Variants in SMYD3 observed in about 807,000 individuals in gnomAD.
SMYD3 encodes the protein histone-lysine N-methyltransferase SMYD3.
Under a neutral mutation model 57.7 loss-of-function variants are expected in SMYD3, and 36 were observed. The observed-to-expected ratio is 0.62, with a 90% CI of 0.48 to 0.82. The LOEUF (loss-of-function observed/expected upper bound fraction) is 0.82, where lower values mean the gene tolerates loss of function less well. Ranked by LOEUF, SMYD3 falls within the 40% of genes least tolerant of loss-of-function variation. SMYD3 has a pLI of 0.00. For synonymous variants in SMYD3, 211 were observed against 195.0 expected, an observed-to-expected ratio of 1.08 and a Z score of -0.68; for missense variants, 515 against 538.8, an observed-to-expected ratio of 0.96 and a Z score of 0.44.
intron 5 of SMYD3, among the ~76,000 whole-genome samples, chr1:246,080,339 G>A (rs907705328): frequency 4.6e-5 from 7 of 152,124 alleles, no homozygotes; most frequent in East Asian, 3.9e-4. Context: ...GGCAGCATTC[G>A]ATTCTCATGA....
intron 8 of SMYD3, among the ~76,000 whole-genome samples, chr1:245,873,028 T>G (rs1410520432): frequency 6.6e-6 from 1 of 152,132 alleles, no homozygotes; most frequent in Non-Finnish European, 1.5e-5. Context: ...CAAGTCAACC[T>G]GGAGAGAATA....
intron 10 of SMYD3, among the ~76,000 whole-genome samples, chr1:245,823,790 C>T (rs1179723306): frequency 6.6e-6 from 1 of 152,174 alleles, no homozygotes; most frequent in Non-Finnish European, 1.5e-5. Flanking sequence ...AAATTGGAAG[C>T]ACTTCTCTGA....
intron 7 of SMYD3, among the ~76,000 whole-genome samples, chr1:245,919,200 C>T (rs1356354916): frequency 2.0e-5 from 3 of 152,178 alleles, no homozygotes; most frequent in Admixed American, 6.5e-5. Flanking sequence ...CATGTGATCA[C>T]GTCATTTCTC....
chr1:246,387,552 A>G (rs2066505752), intron 1 of SMYD3, among the ~76,000 whole-genome samples: 1 of 152,344 alleles, frequency 6.6e-6, no homozygotes, highest in Admixed American at 6.5e-5. Context: ...CCTGGAGTTT[A>G]CAGTCTAGCA....
At chr1:246,462,044 C>T (rs2067805499) in intron 1 of SMYD3, among the ~76,000 whole-genome samples, 1 of 152,164 alleles carries the variant, frequency 6.6e-6, no homozygotes, top group African/African-American at 2.4e-5. Context: ...GCAAGGAAGG[C>T]TTCCACAAAA....
intron 1 of SMYD3, among the ~76,000 whole-genome samples, chr1:246,448,080 G>A (rs2067574700): frequency 6.6e-6 from 1 of 152,202 alleles, no homozygotes; most frequent in Non-Finnish European, 1.5e-5. Context: ...AGCCAGGCGT[G>A]GTGGCGCATG....
rs77862772 is a variant in SMYD3 at position 245,965,697 on chromosome 1, G to C, written c.532-35760C>G. 4.1e-3 allele frequency among the ~76,000 whole-genome samples: 631 copies of C among 152,282 alleles called. 3 individuals carry two copies. Among genetic ancestry groups the C allele is most frequent in the African/African-American group, 0.014 (573 of 41,554 alleles). On this transcript the variant is annotated intron_variant, in intron 5 of 11. Transcript: ENST00000490107. ...TGGAAAAGGCGAAAGTATGAAGATAGTAAAAAGATCAATGGTGGCCAGAGA... is the reference window on the plus strand; with the variant it reads ...TGGAAAAGGCGAAAGTATGAAGATACTAAAAAGATCAATGGTGGCCAGAGA...
intron 5 of SMYD3, among the ~76,000 whole-genome samples, chr1:246,236,563 T>C (rs983477734): frequency 3.3e-5 from 5 of 152,156 alleles, no homozygotes; most frequent in Non-Finnish European, 5.9e-5. Context: ...TACAGAGGCC[T>C]GCCACCACGC....
intron 5 of SMYD3, among the ~76,000 whole-genome samples, chr1:245,984,111 T>C (rs2058655456): frequency 1.3e-5 from 2 of 151,754 alleles, no homozygotes; most frequent in Admixed American, 6.6e-5. Flanking sequence ...GCGATTCTCC[T>C]GCCTCAGCCA....
At chr1:246,193,250 A>G (rs749882632) in intron 5 of SMYD3, among the ~76,000 whole-genome samples, 8 of 152,236 alleles carry the variant, frequency 5.3e-5, no homozygotes, top group Non-Finnish European at 1.2e-4. Context: ...ATCTGAAAAA[A>G]TTCTGGGATG....
intron 5 of SMYD3, among the ~76,000 whole-genome samples, chr1:245,946,366 T>C (rs1376279062): frequency 6.6e-6 from 1 of 152,186 alleles, no homozygotes; most frequent in Non-Finnish European, 1.5e-5. Context: ...ACTCAACACA[T>C]TGTTTTCTAT....
intron 5 of SMYD3, among the ~76,000 whole-genome samples, chr1:246,196,428 A>G (rs6669604): frequency 0.33 from 50,610 of 152,094 alleles, 10,327 homozygotes; most frequent in East Asian, 0.58. Flanking sequence ...ATCCACTGTA[A>G]AAGAGAAGCA....
chr1:245,828,491 TTGA>T (rs1346871505), intron 10 of SMYD3, among the ~76,000 whole-genome samples: 4 of 152,228 alleles, frequency 2.6e-5, no homozygotes, highest in African/African-American at 9.6e-5. Context: ...TTATTTTTTT[TTGA>T]TGATAGGTCA....
At chr1:245,750,591 A>G (rs2791364) in intron 11 of SMYD3, among the ~76,000 whole-genome samples, 64,740 of 151,964 alleles carry the variant, frequency 0.43, 16,002 homozygotes, top group African/African-American at 0.69. Context: ...GCATTTGTGC[A>G]ATAATTTTGC....
intron 5 of SMYD3, among the ~76,000 whole-genome samples, chr1:245,949,816 A>T (rs1000333358): frequency 3.2e-5 from 4 of 125,934 alleles, no homozygotes; most frequent in Non-Finnish European, 7.4e-5. Context: ...CTCCAAAAAA[A>T]AGAAACCCAC....
intron 10 of SMYD3, among the ~76,000 whole-genome samples, chr1:245,844,976 CTAT>C (rs1249277016): frequency 5.9e-5 from 9 of 152,274 alleles, no homozygotes; most frequent in South Asian, 4.2e-4. Context: ...TTTCTCCAGC[CTAT>C]TATTGAATTT....
At chr1:246,070,615 C>T (rs376984893) in intron 5 of SMYD3, among the ~76,000 whole-genome samples, 1 of 152,116 alleles carries the variant, frequency 6.6e-6, no homozygotes, top group African/African-American at 2.4e-5. Flanking sequence ...GGTGAAGCAC[C>T]GACCTGAGGA....
At chr1:245,804,203 G>T (rs764672427) in intron 10 of SMYD3, among the ~76,000 whole-genome samples, 1 of 152,094 alleles carries the variant, frequency 6.6e-6, no homozygotes, top group Non-Finnish European at 1.5e-5. Context: ...GAGGCACCGC[G>T]CCCAGCTGAG....
At chr1:245,900,881 G>A (rs935159437) in intron 8 of SMYD3, among the ~76,000 whole-genome samples, 1 of 152,206 alleles carries the variant, frequency 6.6e-6, no homozygotes, top group African/African-American at 2.4e-5. Flanking sequence ...CATGGTCTGG[G>A]AGGAATCCCA....
Sources: gnomAD v4.1 joint callset for allele counts (sites outside exome capture counted in the v4.1 genomes callset) on GRCh38, gnomAD v4.1.1 for gene constraint, MANE v1.5 for transcripts, NCBI Gene and HGNC (gene_info 2026-07-23, HGNC 2026-07-21) for gene names.